Variants in IQCE observed in about 807,000 individuals in gnomAD.
The protein encoded by IQCE is IQ domain-containing protein E.
IQCE carries 115 observed loss-of-function variants against 96.0 expected under a neutral mutation model. The ratio of observed to expected loss-of-function variants is 1.20; its 90% confidence interval spans 1.03 to 1.40. The LOEUF is 1.40. IQCE is among the 40% of genes most tolerant of loss of function. The pLI is 0.00. For synonymous variants in IQCE, 412 were observed against 371.2 expected (o/e 1.11, Z -1.26); for missense variants, 1,041 against 909.1 (o/e 1.15, Z -1.87).
At position 2,559,137 on chromosome 7, in the gene IQCE, G is replaced by A; in HGVS notation, c.-45G>A. On this transcript the variant is annotated 5_prime_UTR_variant, in exon 1 of 22. Transcript: ENST00000402050. ...TGCCCGCGGATTCCCAGACCCGGAC[G>A]CCCGAGCCAGCAACCCTGAGGGGCG... 8.7e-7 allele frequency: 1 copy of A among 1,152,006 alleles called. No homozygotes were observed. Among genetic ancestry groups the A allele is most frequent in the Non-Finnish European group, 1.1e-6 (1 of 934,118 alleles). 71.4% of individuals were successfully genotyped at this position (1,152,006 alleles called of 1,614,324 possible).
chr7:2,559,284 G>T lies in IQCE; in HGVS notation c.36+67G>T, dbSNP rs560575850. The T allele has an allele frequency of 7.3e-5, 73 of 1,002,592 alleles. No individual in the cohort carries two copies. The South Asian group carries it at 2.9e-3, about 40-fold the overall frequency. 62.1% of individuals were successfully genotyped at this position (1,002,592 alleles called of 1,614,324 possible). On this transcript the variant is annotated intron_variant, in intron 1 of 21. Coordinates refer to ENST00000402050, the MANE Select transcript of IQCE (RefSeq NM_152558.5). ...AGGCCTCGGCTCGTCTCCGTCGCCC[G>T]CAGCCTCGGGGCCCCGCGCAGGGGC...
At chr7:2,594,231 T>C (rs889747273) in intron 15 of IQCE, among the ~76,000 whole-genome samples, 3 of 152,170 alleles carry the variant, frequency 2.0e-5, no homozygotes, top group African/African-American at 4.8e-5. Context: ...CTGTCCTCTA[T>C]CCTGGGTGAC....
intron 8 of IQCE, among the ~76,000 whole-genome samples, chr7:2,579,398 G>C (rs1029111023): frequency 3.3e-5 from 5 of 152,146 alleles, no homozygotes; most frequent in Non-Finnish European, 7.3e-5. Context: ...AAAGCCATGG[G>C]ACTAAGGTAG....
At chr7:2,573,711 C>T (rs1164372809) in intron 6 of IQCE, among the ~76,000 whole-genome samples, 3 of 152,144 alleles carry the variant, frequency 2.0e-5, no homozygotes, top group East Asian at 3.8e-4. Flanking sequence ...ATGTTCCATC[C>T]GTGCTCTGCT....
chr7:2,571,281 G>C (rs986657613), intron 3 of IQCE: 19 of 424,872 alleles, frequency 4.5e-5, no homozygotes, highest in South Asian at 3.7e-4. Context: ...AGCCTCCCAA[G>C]GTATTGGTAT....
intron 6 of IQCE, 81 bp downstream of exon 6, chr7:2,573,569 C>T: frequency 1.3e-6 from 1 of 777,766 alleles, no homozygotes; most frequent in East Asian, 2.7e-5. Flanking sequence ...AGTGCCTGTG[C>T]TGGGAGGTGC....
chr7:2,559,328 C>G (rs974582581), intron 1 of IQCE, 111 bp downstream of exon 1: 6 of 495,424 alleles, frequency 1.2e-5, no homozygotes. Context: ...GGCGTGAGGA[C>G]GGGGCGCACG....
chr7:2,577,304 C>G, intron 6 of IQCE, among the ~76,000 whole-genome samples: 1 of 150,516 alleles, frequency 6.6e-6, no homozygotes, highest in Admixed American at 6.6e-5. Flanking sequence ...CTTGGCTGTG[C>G]CCGTGGGGAT....
At chr7:2,559,290 T>C in intron 1 of IQCE, 73 bp downstream of exon 1, 1 of 937,218 alleles carries the variant, frequency 1.1e-6, no homozygotes. Flanking sequence ...GCCCGCAGCC[T>C]CGGGGCCCCG....
At chr7:2,578,070 C>T (rs1425521555) in intron 6 of IQCE, among the ~76,000 whole-genome samples, 172 bp from the exon 7 acceptor site, 3 of 141,108 alleles carry the variant, frequency 2.1e-5, no homozygotes, top group Non-Finnish European at 4.6e-5. Flanking sequence ...TGGCTGTGTG[C>T]GCGGGGACGT....
chr7:2,592,267 A>T (rs1490779219), intron 14 of IQCE, among the ~76,000 whole-genome samples: 3 of 152,254 alleles, frequency 2.0e-5, no homozygotes, highest in Admixed American at 2.0e-4. Context: ...TGTAAAAATT[A>T]GTATTTCACG....
At position 2,584,263 on chromosome 7, in the gene IQCE, A is replaced by C; in HGVS notation, c.802A>C (p.Ser268Arg). The change falls in exon 11 of 22, where the codon AGT becomes CGT. Residue 268 changes from serine (S) to arginine (R), a missense_variant. Coordinates refer to ENST00000402050, the MANE Select transcript of IQCE (RefSeq NM_152558.5). ...EVHRLQTLLA[S>R]SETTGKKPLG... ...GCATCGTCTCCAGACCCTCTTGGCAAGTTCTGAAACCACCGGAAAGAAGTA... is the reference window on the plus strand; with the variant it reads ...GCATCGTCTCCAGACCCTCTTGGCACGTTCTGAAACCACCGGAAAGAAGTA... 1 of 1,614,074 alleles carries C rather than the reference A, an allele frequency of 6.2e-7. No individual in the cohort carries two copies. Among genetic ancestry groups the C allele is most frequent in the Non-Finnish European group, 8.5e-7 (1 of 1,179,936 alleles).
In IQCE at chr7:2,571,667, C is replaced by G. The variant is rs767339646; in HGVS notation, c.259+13C>G. 6 of 1,596,620 alleles carry G rather than the reference C, an allele frequency of 3.8e-6. No homozygotes were observed. The highest frequency in any genetic ancestry group is 5.1e-6 in the Non-Finnish European group (6 of 1,178,396). Reference sequence around the variant, plus strand: ...ACCGCAAAGCCAGGTATGTGGTTGTCGCACTGGAGACCCTTCCTGCTTGAG... The same window carrying G: ...ACCGCAAAGCCAGGTATGTGGTTGTGGCACTGGAGACCCTTCCTGCTTGAG... On this transcript the variant is annotated intron_variant, in intron 4 of 21. Transcript: ENST00000402050.
rs764882617 is a variant in IQCE at position 2,607,188 on chromosome 7, G to A, written c.1930G>A (p.Gly644Arg). 6 of 1,613,186 alleles carry A rather than the reference G, an allele frequency of 3.7e-6. No homozygotes were observed. The highest frequency in any genetic ancestry group is 2.2e-5 in the East Asian group (1 of 44,774). The change falls in exon 21 of 22, where the codon GGG (glycine) becomes AGG (arginine). Residue 644 changes from glycine (G) to arginine (R), a missense_variant. By Grantham distance (125) the Gly-to-Arg change is moderately radical (BLOSUM62 -2). Coordinates refer to ENST00000402050, the MANE Select transcript of IQCE (RefSeq NM_152558.5). ...TRRRSASATH[G>R]DASSPPFLAA... ...GAGGAGATCGGCTTCAGCCACACAC[G>A]GGGACGCCTCCTCCCCACCCTTCCT...
At chr7:2,588,534 T>C (rs1783314684) in intron 13 of IQCE, among the ~76,000 whole-genome samples, 2 of 151,236 alleles carry the variant, frequency 1.3e-5, no homozygotes, top group South Asian at 4.2e-4. Context: ...TTTGTATTTT[T>C]AGTAGAGACG....
chr7:2,569,586 T>G (rs1278149294), intron 3 of IQCE, among the ~76,000 whole-genome samples: 3 of 152,142 alleles, frequency 2.0e-5, no homozygotes, highest in Non-Finnish European at 1.5e-5. Context: ...GAGGCCCCTC[T>G]GTCTCTAATG....
rs115365670 is a variant in IQCE at position 2,611,641 on chromosome 7, G to A, written c.*1479G>A. 0.017 allele frequency: 2,601 copies of A among 152,006 alleles called. 79 individuals are homozygous for A. Among genetic ancestry groups the A allele is most frequent in the African/African-American group, 0.059 (2,452 of 41,470 alleles). 9.4% of individuals were successfully genotyped at this position (152,006 alleles called of 1,614,324 possible). On this transcript the variant is annotated 3_prime_UTR_variant, in exon 22 of 22. Coordinates refer to ENST00000402050, the MANE Select transcript of IQCE (RefSeq NM_152558.5). ...TGCTCTATGGGAGGAGGACACAGGT[G>A]TCCCCAGCCCAGCCTGTTCTCTCCC...
chr7:2,567,231 G>C, intron 2 of IQCE, 68 bp downstream of exon 2: 1 of 1,264,962 alleles, frequency 7.9e-7, no homozygotes, highest in Non-Finnish European at 1.2e-6. Flanking sequence ...ACTGCACTCG[G>C]AAGCGTAAAA....
chr7:2,607,121 C>T lies in IQCE; in HGVS notation c.1866-3C>T, dbSNP rs1342480691. ...TCAGCTGGCGTTTTCTGTTTTTTTC[C>T]AGTGCTACCGGTAAAAGAACCACCA... is the stretch of plus-strand genomic sequence containing the variant. On this transcript the variant is annotated splice_polypyrimidine_tract_variant and splice_region_variant and intron_variant, in intron 20 of 21. Coordinates refer to ENST00000402050, the MANE Select transcript of IQCE (RefSeq NM_152558.5). 3 of 1,584,962 alleles carry T rather than the reference C, an allele frequency of 1.9e-6. No individual in the cohort carries two copies. Among genetic ancestry groups the T allele is most frequent in the Non-Finnish European group, 2.6e-6 (3 of 1,168,408 alleles).
Sources: allele counts gnomAD v4.1 joint callset (sites outside exome capture counted in the v4.1 genomes callset), GRCh38; gene constraint gnomAD v4.1.1; transcripts MANE v1.5; gene names NCBI Gene and HGNC (gene_info 2026-07-23, HGNC 2026-07-21).